ZNF827: variants seen among roughly 807,000 people sequenced by gnomAD.
ZNF827 encodes the protein zinc finger protein 827.
A neutral mutation model predicts 102.4 loss-of-function variants in ZNF827; 13 were observed. The ratio of observed to expected loss-of-function variants is 0.13; its 90% CI spans 0.08 to 0.20. The LOEUF (loss-of-function observed/expected upper bound fraction) is 0.20. Among genes scored for constraint, ZNF827 ranks in the 10% least tolerant of loss-of-function variants. The pLI is 1.00. For missense variants in ZNF827, 1,103 were observed against 1,344.4 expected, an observed-to-expected ratio of 0.82 and a Z score of 2.81; for synonymous variants, 523 against 536.2, an observed-to-expected ratio of 0.98 and a Z score of 0.34.
intron 5 of ZNF827, among the ~76,000 whole-genome samples, chr4:145,860,485 T>G (rs1387922171): frequency 1.3e-5 from 2 of 152,218 alleles, no homozygotes; most frequent in Non-Finnish European, 2.9e-5. Flanking sequence ...CATAATTTAT[T>G]CTTTAAACAG....
At position 145,774,655 on chromosome 4, in the gene ZNF827, A is replaced by T; in HGVS notation, c.2711T>A (p.Phe904Tyr). 1 of 1,613,848 alleles carries T rather than the reference A, an allele frequency of 6.2e-7. No individual in the cohort carries two copies. Among genetic ancestry groups the T allele is most frequent in the Non-Finnish European group, 8.5e-7 (1 of 1,179,926 alleles). The change falls in exon 11 of 15, where the codon TTT becomes TAT. Residue 904 changes from phenylalanine to tyrosine, a missense_variant. Coordinates refer to ENST00000508784, the MANE Select transcript of ZNF827 (RefSeq NM_001306215.2). ...PYYYSCHVCG[F>Y]ETELNVQFVS... is the part of the protein sequence containing the mutation. ...AAACTGGACATTGAGCTCGGTCTCA[A>T]ATCCACACACGTGACAACTACATGA...
intron 1 of ZNF827, among the ~76,000 whole-genome samples, chr4:145,912,558 G>T (rs1325328139): frequency 1.3e-5 from 2 of 152,192 alleles, no homozygotes; most frequent in African/African-American, 4.8e-5. Context: ...ACCTTATTGG[G>T]AAATAGGCTT....
At position 145,938,410 on chromosome 4, in the gene ZNF827, T is replaced by TC. The variant is rs1561099406; in HGVS notation, c.-4dup. 2 of 1,611,150 alleles carry TC rather than the reference T, an allele frequency of 1.2e-6. No individual in the cohort carries two copies. Among genetic ancestry groups the TC allele is most frequent in the East Asian group, 2.2e-5 (1 of 44,734 alleles). On this transcript the variant is annotated 5_prime_UTR_variant, in exon 1 of 15. Transcript: ENST00000508784. ...TGCTCCTGCTTCCTCCTGGGCATTT[T>TC]CCCCCTTTTCTCACATTCTCCTCCT...
chr4:145,776,025 A>G, intron 9 of ZNF827, 65 bp from the exon 10 acceptor site: 1 of 1,581,726 alleles, frequency 6.3e-7, no homozygotes, highest in Non-Finnish European at 8.7e-7. Flanking sequence ...AACACCTTGC[A>G]AGAATCAGTT....
intron 7 of ZNF827, among the ~76,000 whole-genome samples, chr4:145,835,451 A>C (rs572366397): frequency 0.035 from 5,275 of 150,750 alleles, 268 homozygotes; most frequent in African/African-American, 0.12. Context: ...CAACTTAGAC[A>C]ACACTCTTTT....
At chr4:145,769,406 C>G (rs189001508) in intron 11 of ZNF827, among the ~76,000 whole-genome samples, 1 of 152,276 alleles carries the variant, frequency 6.6e-6, no homozygotes, top group East Asian at 1.9e-4. Context: ...CTAATATTCA[C>G]CTGTTGCAAG....
chr4:145,760,747 C>A lies in ZNF827; in HGVS notation c.*869G>T. 1.6e-4 allele frequency: 94 copies of A among 581,744 alleles called. No individual in the cohort carries two copies. The highest frequency in any genetic ancestry group is 1.9e-4 in the Non-Finnish European group (90 of 481,348). The allele number at this position is 581,744 out of a possible 1,614,324, so 36.0% of individuals were successfully genotyped here. ...TTTTTTTTTTTTTTTTGTCTTTTGT[C>A]TCTCTGTTTTTGGTACAGAACATGG... On this transcript the variant is annotated 3_prime_UTR_variant, in exon 15 of 15. Coordinates refer to ENST00000508784, the MANE Select transcript of ZNF827 (RefSeq NM_001306215.2).
chr4:145,805,242 T>C (rs1741308289), intron 8 of ZNF827, among the ~76,000 whole-genome samples: 1 of 152,080 alleles, frequency 6.6e-6, no homozygotes, highest in African/African-American at 2.4e-5. Context: ...GATTTGTCTC[T>C]AAAAAAGAAT....
At chr4:145,930,832 TGTGTGC>T (rs1193771947) in intron 1 of ZNF827, among the ~76,000 whole-genome samples, 69 of 152,226 alleles carry the variant, frequency 4.5e-4, no homozygotes, top group South Asian at 2.1e-3. Context: ...CCTCTCTGTG[TGTGTGC>T]GTGTGTGTGT....
chr4:145,898,218 C>T (rs962410171), intron 2 of ZNF827, among the ~76,000 whole-genome samples: 1 of 152,162 alleles, frequency 6.6e-6, no homozygotes, highest in African/African-American at 2.4e-5. Flanking sequence ...TGATCTCCCT[C>T]TCCGGACTTT....
At chr4:145,897,717 G>T (rs573555363) in intron 2 of ZNF827, among the ~76,000 whole-genome samples, 2 of 152,280 alleles carry the variant, frequency 1.3e-5, no homozygotes, top group South Asian at 4.1e-4. Context: ...AATATTCAGA[G>T]AAGTCTGATA....
At chr4:145,932,666 G>A (rs1753898773) in intron 1 of ZNF827, among the ~76,000 whole-genome samples, 1 of 152,094 alleles carries the variant, frequency 6.6e-6, no homozygotes, top group Non-Finnish European at 1.5e-5. Context: ...AGTAGAGACG[G>A]GGTTTCACCA....
Position 145,938,435 on chromosome 4 carries a change from T to G in ZNF827, c.-28A>C. The G allele has an allele frequency of 1.9e-6, 3 of 1,604,582 alleles. No homozygotes were observed. In the South Asian group the frequency reaches 3.3e-5, roughly 18 times the overall value. ...TCCCCCTTTTCTCACATTCTCCTCC[T>G]TGGTTAATGTGAGATCAAATAAACC... On this transcript the variant is annotated 5_prime_UTR_variant, in exon 1 of 15. Transcript: ENST00000508784.
At chr4:145,782,836 C>A (rs751114109) in intron 8 of ZNF827, among the ~76,000 whole-genome samples, 4 of 152,180 alleles carry the variant, frequency 2.6e-5, no homozygotes, top group Non-Finnish European at 5.9e-5. Context: ...TTTTAAGTGT[C>A]ATTGCTTTTG....
intron 1 of ZNF827, among the ~76,000 whole-genome samples, chr4:145,925,590 A>G (rs1218673972): frequency 2.6e-5 from 4 of 152,224 alleles, no homozygotes; most frequent in African/African-American, 7.2e-5. Context: ...ATGAATGAGC[A>G]CCAAGTGGGG....
At chr4:145,826,768 CA>C (rs1205249878) in intron 7 of ZNF827, among the ~76,000 whole-genome samples, 1 of 151,486 alleles carries the variant, frequency 6.6e-6, no homozygotes, top group Admixed American at 6.6e-5. Context: ...TTTTTTGAGA[CA>C]GAGTTTTGCT....
chr4:145,867,567 A>C (rs1389886488), intron 5 of ZNF827, among the ~76,000 whole-genome samples: 1 of 152,238 alleles, frequency 6.6e-6, no homozygotes, highest in Admixed American at 6.5e-5. Flanking sequence ...TTCTAACCTC[A>C]AGGAAATAAG....
rs138532010 is a variant in ZNF827, at chr4:145,892,357, T to C, written c.1152A>G (p.Lys384=). ...FQCPICGLVI[K]RKSYWKRHMV... The stretch of plus-strand genomic sequence containing the variant: ...TGTGCCGCTTCCAGTAACTCTTCCT[T>C]TTAATAACCAAACCACATATTGGAC... The change falls in exon 3 of 15, where the codon AAA becomes AAG. Residue 384 remains lysine (K), a synonymous_variant. Transcript: ENST00000508784. The C allele has an allele frequency of 1.0e-4, 161 of 1,614,066 alleles. No individual in the cohort carries two copies. Among genetic ancestry groups the C allele is most frequent in the Admixed American group, 2.7e-4 (16 of 60,004 alleles).
chr4:145,860,882 C>T (rs1747652672), intron 5 of ZNF827, among the ~76,000 whole-genome samples: 1 of 152,192 alleles, frequency 6.6e-6, no homozygotes, highest in Admixed American at 6.5e-5. Context: ...AAACAATTCT[C>T]TTTGTGAAAT....
Sources: allele counts gnomAD v4.1 joint callset (sites outside exome capture counted in the v4.1 genomes callset), GRCh38; gene constraint gnomAD v4.1.1; transcripts MANE v1.5; gene names NCBI Gene and HGNC (gene_info 2026-07-23, HGNC 2026-07-21).